STX11: variants seen among roughly 807,000 people sequenced by gnomAD.
STX11 encodes the protein syntaxin 11, also known as syntaxin-11.
A neutral mutation model predicts 19.9 loss-of-function variants in STX11; 21 were observed. The observed-to-expected ratio is 1.06, with a 90% confidence interval of 0.75 to 1.52. The LOEUF is 1.52. Ranked by LOEUF, STX11 falls within the 40% of genes most tolerant of loss-of-function variation. The pLI, the probability that STX11 is intolerant of heterozygous loss-of-function variation, is 0.00. For synonymous variants in STX11, 193 were observed against 174.4 expected, an observed-to-expected ratio of 1.11 and a Z score of -0.84; for missense variants, 438 against 405.9, an observed-to-expected ratio of 1.08 and a Z score of -0.68.
Position 144,162,529 on chromosome 6 carries a change from A to G in STX11, c.-6+11826A>G, listed in dbSNP as rs1801370624. ...ATGTGGAAGGCGTCTTCAAAAATGCAAATATGCTTTCTTGATGGAGCAGTA... is the reference window on the plus strand; with the variant it reads ...ATGTGGAAGGCGTCTTCAAAAATGCGAATATGCTTTCTTGATGGAGCAGTA... On this transcript the variant is annotated intron_variant, in intron 1 of 1. Transcript: ENST00000367568. The surrounding 1 kb of genome is among the most constrained non-coding windows in gnomAD (Gnocchi z 4.6). 6.6e-6 allele frequency among the ~76,000 whole-genome samples: 1 copy of G among 152,352 alleles called. No homozygotes were observed. The highest frequency in any genetic ancestry group is 2.1e-4 in the South Asian group (1 of 4,834).
intron 1 of STX11, among the ~76,000 whole-genome samples, chr6:144,185,273 T>C (rs1007734040): frequency 1.3e-5 from 2 of 152,222 alleles, no homozygotes; most frequent in Non-Finnish European, 2.9e-5. Context: ...TTAGTGGTGA[T>C]ATAAAATTAA....
In STX11 at chr6:144,190,633, C is replaced by G. The variant is rs1333138027; in HGVS notation, c.*3142C>G. Among the ~76,000 whole-genome samples, 1 of 150,902 alleles carries G rather than the reference C, an allele frequency of 6.6e-6. No homozygotes were observed. The highest frequency in any genetic ancestry group is 1.5e-5 in the Non-Finnish European group (1 of 67,836). On this transcript the variant is annotated 3_prime_UTR_variant, in exon 2 of 2. Coordinates refer to ENST00000367568, the MANE Select transcript of STX11 (RefSeq NM_003764.4). The stretch of plus-strand genomic sequence containing the variant: ...GATGTTTTCACTATGGCATTTCTAT[C>G]CCTGTGTATATCCAAACATGTCCTG...
rs574600366 is a variant in STX11, at chr6:144,167,715, C to T, written c.-6+17012C>T. Among the ~76,000 whole-genome samples the T allele has an allele frequency of 6.6e-5, 10 of 152,256 alleles. No homozygotes were observed. The East Asian group carries it at 1.9e-3, about 29-fold the overall frequency. On this transcript the variant is annotated intron_variant, in intron 1 of 1. Transcript: ENST00000367568. The surrounding 1 kb of genome is among the most constrained non-coding windows in gnomAD (Gnocchi z 5.0). ...CTCACTGAAGCCTTAACCTCCTGGG[C>T]TCAGGTGATCATCCCATCTCAGCCT...
Position 144,165,628 on chromosome 6 carries a change from AATAAT to A in STX11, c.-6+14927_-6+14931del, listed in dbSNP as rs1801458470. ...GAGTTATAGGAGTAATATAAAAACT[AATAAT>A]AGAATCATTCTTTGGTTTTATAGAA... is the stretch of plus-strand genomic sequence containing the variant. On this transcript the variant is annotated intron_variant, in intron 1 of 1. Transcript: ENST00000367568. The surrounding 1 kb of genome is among the most constrained non-coding windows in gnomAD (Gnocchi z 5.8). Among the ~76,000 whole-genome samples, 1 of 152,206 alleles carries A rather than the reference AATAAT, an allele frequency of 6.6e-6. No individual in the cohort carries two copies. The highest frequency in any genetic ancestry group is 6.5e-5 in the Admixed American group (1 of 15,274).
Position 144,191,288 on chromosome 6 carries a change from T to C in STX11, c.*3797T>C, listed in dbSNP as rs1802202256. 6.8e-6 allele frequency among the ~76,000 whole-genome samples: 1 copy of C among 147,734 alleles called. No homozygotes were observed. Among genetic ancestry groups the C allele is most frequent in the South Asian group, 2.3e-4 (1 of 4,442 alleles). On this transcript the variant is annotated 3_prime_UTR_variant, in exon 2 of 2. Transcript: ENST00000367568. Reference sequence around the variant, plus strand: ...GTATGCATCGGTATCCAGGATAATATGAGTTAGAATTTTAAAAATGTCAGT... The same window carrying C: ...GTATGCATCGGTATCCAGGATAATACGAGTTAGAATTTTAAAAATGTCAGT...
At position 144,160,532 on chromosome 6, in the gene STX11, A is replaced by G. The variant is rs756308331; in HGVS notation, c.-6+9829A>G. Among the ~76,000 whole-genome samples, 1 of 152,216 alleles carries G rather than the reference A, an allele frequency of 6.6e-6. No homozygotes were observed. Among genetic ancestry groups the G allele is most frequent in the East Asian group, 1.9e-4 (1 of 5,206 alleles). ...CAGATTCGTTCTCTAGTAAGAACCTATTTCTTGTTTAACCTGACATCACAA... is the reference window on the plus strand; with the variant it reads ...CAGATTCGTTCTCTAGTAAGAACCTGTTTCTTGTTTAACCTGACATCACAA... On this transcript the variant is annotated intron_variant, in intron 1 of 1. Transcript: ENST00000367568. The surrounding 1 kb of genome is among the most constrained non-coding windows in gnomAD (Gnocchi z 4.3).
At chr6:144,149,992 TGTTGAGGCCGACTGGAGAGAG>T (rs1199899361), upstream of STX11, among the ~76,000 whole-genome samples, 1 of 147,782 alleles carries the variant, frequency 6.8e-6, no homozygotes, top group Non-Finnish European at 1.5e-5. The surrounding 1 kb of genome is among the most constrained non-coding windows in gnomAD (Gnocchi z 5.1). Flanking sequence ...GCCCGGCGGG[TGTTGAGGCCGACTGGAGAGAG>T]GTTGGTCGGC....
chr6:144,157,410 C>T (rs1801198867), intron 1 of STX11, among the ~76,000 whole-genome samples: 1 of 152,152 alleles, frequency 6.6e-6, no homozygotes, highest in African/African-American at 2.4e-5. Context: ...CTTCCTAGTA[C>T]CTGGGGGACT....
chr6:144,153,101 C>G lies in STX11; in HGVS notation c.-6+2398C>G, dbSNP rs1801047329. On this transcript the variant is annotated intron_variant, in intron 1 of 1. Coordinates refer to ENST00000367568, the MANE Select transcript of STX11 (RefSeq NM_003764.4). This position sits in a 1 kb window ranked among gnomAD's most constrained non-coding sequence, Gnocchi z 5.0. ...TGAAATCTGCTGAGATGCTTTTGAA[C>G]TGGATGCCCAAGTATCAAGGTTTCC... Among the ~76,000 whole-genome samples the G allele has an allele frequency of 6.6e-6, 1 of 152,186 alleles. No homozygotes were observed. Among genetic ancestry groups the G allele is most frequent in the Admixed American group, 6.5e-5 (1 of 15,278 alleles).
chr6:144,187,001 C>G lies in STX11; in HGVS notation c.374C>G (p.Ala125Gly). The G allele has an allele frequency of 1.9e-6, 3 of 1,610,118 alleles. No homozygotes were observed. The highest frequency in any genetic ancestry group is 2.5e-6 in the Non-Finnish European group (3 of 1,179,638). Reference sequence around the variant, plus strand: ...CAGCACGGCCCGCACTCGGCAGTGGCGCGCATTTCGCGGGCGCAGTACAAC... The same window carrying G: ...CAGCACGGCCCGCACTCGGCAGTGGGGCGCATTTCGCGGGCGCAGTACAAC... Reference protein sequence around the residue: ...EAQHGPHSAVARISRAQYNAL... With the variant: ...EAQHGPHSAVGRISRAQYNAL... The change falls in exon 2 of 2, where the codon GCG becomes GGG. Residue 125 changes from alanine to glycine, a missense_variant. Transcript: ENST00000367568. The surrounding 1 kb of genome is among the most constrained non-coding windows in gnomAD (Gnocchi z 5.6).
At chr6:144,158,450 GGGAATCAGTGAACTTAGA>G (rs913914885) in intron 1 of STX11, among the ~76,000 whole-genome samples, 1 of 152,164 alleles carries the variant, frequency 6.6e-6, no homozygotes, top group Non-Finnish European at 1.5e-5. Flanking sequence ...GATGGGGGAT[GGGAATCAGTGAACTTAGA>G]GGAATCAGTA....
the STX11 span, among the ~76,000 whole-genome samples, chr6:144,144,081 C>T: frequency 2.0e-5 from 3 of 152,212 alleles, no homozygotes; most frequent in African/African-American, 4.8e-5. Flanking sequence ...GTGCTTACTA[C>T]AGTCATTCAT....
At position 144,187,339 on chromosome 6, in the gene STX11, C is replaced by G. The variant is rs1462020184; in HGVS notation, c.712C>G (p.Gln238Glu). The G allele has an allele frequency of 1.9e-6, 3 of 1,610,480 alleles. No individual in the cohort carries two copies. Among genetic ancestry groups the G allele is most frequent in the Admixed American group, 1.7e-5 (1 of 59,992 alleles). Residue 238 changes from glutamine to glutamate, a missense_variant, in exon 2 of 2, where the codon CAG (glutamine) becomes GAG (glutamate). By Grantham distance (29) the Gln-to-Glu change is conservative. Coordinates refer to ENST00000367568, the MANE Select transcript of STX11 (RefSeq NM_003764.4). This position sits in a 1 kb window ranked among gnomAD's most constrained non-coding sequence, Gnocchi z 5.6. Reference protein sequence around the residue: ...FLQMAVLVEKQADTLNVIELN... With the variant: ...FLQMAVLVEKEADTLNVIELN... ...GCAGATGGCGGTGCTGGTGGAGAAG[C>G]AGGCCGACACCCTGAACGTCATCGA...
chr6:144,171,107 A>G (rs1379125696), intron 1 of STX11, among the ~76,000 whole-genome samples: 7 of 152,178 alleles, frequency 4.6e-5, no homozygotes, highest in Non-Finnish European at 1.0e-4. Flanking sequence ...CAGTGAGGAA[A>G]CCCAGGCAAG....
rs1419864568 is a variant in STX11, at chr6:144,182,614, A to G, written c.-5-4009A>G. On this transcript the variant is annotated intron_variant, in intron 1 of 1. Transcript: ENST00000367568. The surrounding 1 kb of genome is among the most constrained non-coding windows in gnomAD (Gnocchi z 4.8). ...GACATCTTCCAAAACCATTTTCTATATGATTGAATTGTACTTGACTCTTCT... is the reference window on the plus strand; with the variant it reads ...GACATCTTCCAAAACCATTTTCTATGTGATTGAATTGTACTTGACTCTTCT... Among the ~76,000 whole-genome samples the G allele has an allele frequency of 6.6e-6, 1 of 152,340 alleles. No individual in the cohort carries two copies. Among genetic ancestry groups the G allele is most frequent in the East Asian group, 1.9e-4 (1 of 5,190 alleles).
chr6:144,191,794 G>A lies in STX11; in HGVS notation c.*4303G>A, dbSNP rs988494260. The stretch of plus-strand genomic sequence containing the variant: ...AATGGGGCTATTAGAAATGGAAAAC[G>A]AATAGGATCTAGAATGTAACTTCAT... On this transcript the variant is annotated 3_prime_UTR_variant, in exon 2 of 2. Coordinates refer to ENST00000367568, the MANE Select transcript of STX11 (RefSeq NM_003764.4). 6.6e-6 allele frequency among the ~76,000 whole-genome samples: 1 copy of A among 152,160 alleles called. No individual in the cohort carries two copies. The highest frequency in any genetic ancestry group is 1.5e-5 in the Non-Finnish European group (1 of 68,022).
chr6:144,156,606 C>T (rs773095812), intron 1 of STX11, among the ~76,000 whole-genome samples: 15 of 152,068 alleles, frequency 9.9e-5, no homozygotes, highest in Non-Finnish European at 1.6e-4. Flanking sequence ...GTTCTGTCTT[C>T]GGTTTCAGTT....
rs1028774390 is a variant in STX11, at chr6:144,151,750, A to G, written c.-6+1047A>G. 1.3e-5 allele frequency among the ~76,000 whole-genome samples: 2 copies of G among 152,184 alleles called. No individual in the cohort carries two copies. Among genetic ancestry groups the G allele is most frequent in the African/African-American group, 4.8e-5 (2 of 41,424 alleles). ...TCATTTAATGTGGTGATTGTAAGTA[A>G]CTCTCTAAAATCAAAATATTTCAGA... On this transcript the variant is annotated intron_variant, in intron 1 of 1. Transcript: ENST00000367568. The surrounding 1 kb of genome is among the most constrained non-coding windows in gnomAD (Gnocchi z 4.6).
At chr6:144,179,105 G>A (rs1801842721) in intron 1 of STX11, among the ~76,000 whole-genome samples, 1 of 152,150 alleles carries the variant, frequency 6.6e-6, no homozygotes. Flanking sequence ...GCAAGGAGGG[G>A]CAAGTCACAT....
Sources: gnomAD v4.1 joint callset for allele counts (sites outside exome capture counted in the v4.1 genomes callset) on GRCh38, gnomAD v4.1.1 for gene constraint, Gnocchi (gnomAD v3.1) non-coding constraint, MANE v1.5 for transcripts, NCBI Gene and HGNC (gene_info 2026-07-23, HGNC 2026-07-21) for gene names.